Variants in HRH4 observed in about 807,000 individuals in gnomAD.
HRH4 encodes histamine H4 receptor.
In HRH4, 12 loss-of-function variants were observed where a neutral mutation model predicts 10.4. The observed-to-expected ratio is 1.15, with a 90% CI of 0.74 to 1.87. The LOEUF is 1.87. Ranked by LOEUF, HRH4 falls within the 40% of genes most tolerant of loss-of-function variation. The probability of loss-of-function intolerance (pLI) is 0.00; values close to 1 mark genes in which losing one functional copy is unlikely to be tolerated. For missense variants in HRH4, 415 were observed against 453.3 expected, an observed-to-expected ratio of 0.92 and a Z score of 0.77; for synonymous variants, 154 against 166.6, an observed-to-expected ratio of 0.92 and a Z score of 0.58.
rs116172621 is a variant in HRH4 at position 24,476,816 on chromosome 18, G to A, written c.427G>A (p.Ala143Thr). 67 of 1,614,060 alleles carry A rather than the reference G, an allele frequency of 4.2e-5. No individual in the cohort carries two copies. The East Asian group carries it at 1.5e-3, about 35-fold the overall frequency. ...VTLMVAVWVL[A>T]FLVNGPMILV... ...TCTGATGGTGGCCGTTTGGGTGCTG[G>A]CCTTCTTAGTGAATGGGCCAATGAT... The change falls in exon 3 of 3, where the codon GCC (alanine) becomes ACC (threonine). Residue 143 changes from alanine to threonine, a missense_variant. Transcript: ENST00000256906.
chr18:24,469,076 C>A (rs1055285857), intron 2 of HRH4, 125 bp downstream of exon 2: 3 of 669,224 alleles, frequency 4.5e-6, no homozygotes, highest in Non-Finnish European at 7.2e-6. Context: ...GAACCCTATC[C>A]TTTTGTTGTC....
At position 24,479,406 on chromosome 18, in the gene HRH4, G is replaced by A. The variant is rs933034612; in HGVS notation, c.*1844G>A. ...ATGTGGTTAGCATAGGTTATACTTTGCTGACGATTCACATTTTATTAGTTT... is the reference window on the plus strand; with the variant it reads ...ATGTGGTTAGCATAGGTTATACTTTACTGACGATTCACATTTTATTAGTTT... On this transcript the variant is annotated 3_prime_UTR_variant, in exon 3 of 3. Coordinates refer to ENST00000256906, the MANE Select transcript of HRH4 (RefSeq NM_021624.4). 6.6e-6 allele frequency: 1 copy of A among 152,170 alleles called. No individual in the cohort carries two copies. The allele number at this position is 152,170 out of a possible 1,614,324, so 9.4% of individuals were successfully genotyped here. A position where few individuals can be genotyped will look rare whatever the true frequency, so the allele number is the denominator to read the frequency against.
At position 24,473,888 on chromosome 18, in the gene HRH4, C is replaced by T. The variant is rs576704192; in HGVS notation, c.358-2859C>T. On this transcript the variant is annotated intron_variant, in intron 2 of 2. Coordinates refer to ENST00000256906, the MANE Select transcript of HRH4 (RefSeq NM_021624.4). ...GGCGGGAAAAAAGTAGGGTAAGAGA[C>T]AGTGTCCTGAATAATGGGCATATTC... Among the ~76,000 whole-genome samples the T allele has an allele frequency of 3.3e-5, 5 of 152,266 alleles. No homozygotes were observed. The South Asian group carries it at 8.3e-4, about 25-fold the overall frequency.
Position 24,468,969 on chromosome 18 carries a change from T to C in HRH4, c.357+18T>C. On this transcript the variant is annotated intron_variant, in intron 2 of 2. Transcript: ENST00000256906. ...CAAATGCTGTAAGTCGAAACATTAA[T>C]TTATCCCCCTTAGAAGATTATGTAA... 1 of 1,572,064 alleles carries C rather than the reference T, an allele frequency of 6.4e-7. No individual in the cohort carries two copies. The highest frequency in any genetic ancestry group is 8.6e-7 in the Non-Finnish European group (1 of 1,158,096).
intron 2 of HRH4, among the ~76,000 whole-genome samples, chr18:24,471,606 CAAAAAAAAAAAAAAAA>C (rs60730879): frequency 9.7e-5 from 5 of 51,390 alleles, no homozygotes; most frequent in Non-Finnish European, 1.5e-4. Flanking sequence ...GACTCCATCT[CAAAAAAAAAAAAAAAA>C]AAAAAAAAAA....
chr18:24,466,564 C>T (rs1599775779), intron 1 of HRH4, among the ~76,000 whole-genome samples: 1 of 152,234 alleles, frequency 6.6e-6, no homozygotes, highest in Non-Finnish European at 1.5e-5. Context: ...ACTGACCACG[C>T]AACTCTTCAT....
intron 2 of HRH4, among the ~76,000 whole-genome samples, chr18:24,470,095 G>A (rs1909894073): frequency 6.6e-6 from 1 of 152,192 alleles, no homozygotes; most frequent in Admixed American, 6.5e-5. Flanking sequence ...TGGGACGATT[G>A]TGCAGCTGGA....
In HRH4 at chr18:24,468,779, C is replaced by A; in HGVS notation, c.194-9C>A. 6.2e-7 allele frequency: 1 copy of A among 1,604,662 alleles called. No individual in the cohort carries two copies. The highest frequency in any genetic ancestry group is 1.3e-5 in the African/African-American group (1 of 74,446). On this transcript the variant is annotated splice_polypyrimidine_tract_variant and intron_variant, in intron 1 of 2. Coordinates refer to ENST00000256906, the MANE Select transcript of HRH4 (RefSeq NM_021624.4). ...GCTATGTTTTTACACTTATGTTTTC[C>A]CTGTGCAGGTGTGATCTCCATTCCT...
chr18:24,466,918 C>T (rs1427262236), intron 1 of HRH4, among the ~76,000 whole-genome samples: 1 of 152,176 alleles, frequency 6.6e-6, no homozygotes, highest in Non-Finnish European at 1.5e-5. Flanking sequence ...GAAAAGGAAC[C>T]TCGTTTCGTC....
At chr18:24,470,818 G>A (rs183939933) in intron 2 of HRH4, among the ~76,000 whole-genome samples, 27 of 149,748 alleles carry the variant, frequency 1.8e-4, no homozygotes, top group African/African-American at 4.2e-4. Context: ...TTTGTTTCAC[G>A]GACAGTAGTT....
At chr18:24,465,475 AG>A (rs771335785) in intron 1 of HRH4, among the ~76,000 whole-genome samples, 1 of 151,972 alleles carries the variant, frequency 6.6e-6, no homozygotes, top group Non-Finnish European at 1.5e-5. Flanking sequence ...GGGACTGCGG[AG>A]GTGGGGGCAT....
chr18:24,471,900 G>A (rs1318768974), intron 2 of HRH4, among the ~76,000 whole-genome samples: 1 of 152,072 alleles, frequency 6.6e-6, no homozygotes, highest in Non-Finnish European at 1.5e-5. Context: ...TTCTCTAGAT[G>A]TCCCAGCTTT....
At chr18:24,475,078 G>A (rs1200609861) in intron 2 of HRH4, among the ~76,000 whole-genome samples, 1 of 152,112 alleles carries the variant, frequency 6.6e-6, no homozygotes, top group Non-Finnish European at 1.5e-5. Flanking sequence ...TGGTCTTAGG[G>A]GTCTTTAGAT....
intron 2 of HRH4, among the ~76,000 whole-genome samples, chr18:24,471,016 C>A (rs780488349): frequency 6.6e-6 from 1 of 151,442 alleles, no homozygotes; most frequent in African/African-American, 2.4e-5. Flanking sequence ...GGTCCCATCT[C>A]GCCACAAAGG....
intron 2 of HRH4, among the ~76,000 whole-genome samples, chr18:24,470,648 C>T (rs369460224): frequency 2.4e-4 from 36 of 151,614 alleles, no homozygotes; most frequent in South Asian, 6.3e-4. Flanking sequence ...GGATTACAGG[C>T]GCATGCCACC....
At chr18:24,469,473 G>T (rs1001966911) in intron 2 of HRH4, among the ~76,000 whole-genome samples, 2 of 152,168 alleles carry the variant, frequency 1.3e-5, no homozygotes, top group Non-Finnish European at 1.5e-5. Flanking sequence ...GGCCAAGAAA[G>T]GTGGAACTTA....
intron 2 of HRH4, among the ~76,000 whole-genome samples, chr18:24,470,662 C>A (rs1377707470): frequency 6.6e-6 from 1 of 151,494 alleles, no homozygotes; most frequent in Non-Finnish European, 1.5e-5. Flanking sequence ...TGCCACCATG[C>A]CTGGCTAATT....
intron 2 of HRH4, 30 bp downstream of exon 2, chr18:24,468,981 A>G (rs1263869032): frequency 6.5e-7 from 1 of 1,542,454 alleles, no homozygotes; most frequent in South Asian, 1.2e-5. Context: ...TATCCCCCTT[A>G]GAAGATTATG....
At chr18:24,461,441 T>G (rs1909635076) in intron 1 of HRH4, among the ~76,000 whole-genome samples, 1 of 152,166 alleles carries the variant, frequency 6.6e-6, no homozygotes, top group South Asian at 2.1e-4. Context: ...CTGCCTTGCA[T>G]ATAATATGAT....
Sources: gnomAD v4.1 joint callset for allele counts (sites outside exome capture counted in the v4.1 genomes callset) on GRCh38, gnomAD v4.1.1 for gene constraint, MANE v1.5 for transcripts, NCBI Gene and HGNC (gene_info 2026-07-23, HGNC 2026-07-21) for gene names.